Variants in CHD9 observed in about 807,000 individuals in gnomAD.
CHD9 encodes ATP-dependent chromatin remodeler CHD9.
A neutral mutation model predicts 316.1 loss-of-function variants in CHD9; 77 were observed. That is an observed-to-expected ratio of 0.24 (90% confidence interval 0.20 to 0.29). CHD9 has a LOEUF of 0.29. Ranked by LOEUF, CHD9 falls within the 10% of genes least tolerant of loss-of-function variation. CHD9 has a pLI of 1.00. For missense variants in CHD9, 2,763 were observed against 3,438.1 expected, an observed-to-expected ratio of 0.80 and a Z score of 4.91; for synonymous variants, 1,129 against 1,158.3, an observed-to-expected ratio of 0.97 and a Z score of 0.51.
Position 53,097,853 on chromosome 16 carries a change from G to A in CHD9, c.-165+42776G>A, listed in dbSNP as rs368225947. On this transcript the variant is annotated intron_variant, in intron 1 of 38. Transcript: ENST00000447540. ...TTTTGGAACCAGGCTGGGTGCGGTGGCTCACACTGTAATCCCAGCACTTTG... is the reference window on the plus strand; with the variant it reads ...TTTTGGAACCAGGCTGGGTGCGGTGACTCACACTGTAATCCCAGCACTTTG... Among the ~76,000 whole-genome samples the A allele has an allele frequency of 1.5e-3, 226 of 152,338 alleles. 10 individuals carry two copies. The South Asian group carries it at 0.046, about 31-fold the overall frequency.
In CHD9 at chr16:53,273,722, A is replaced by G; in HGVS notation, c.4814A>G (p.Tyr1605Cys). The change falls in exon 23 of 39, where the codon TAT (tyrosine) becomes TGT (cysteine). Residue 1605 changes from tyrosine (Y) to cysteine (C), a missense_variant. Around this residue, in one of 15 missense-constraint regions of CHD9, gnomAD observed 99 missense variants for 131.6 expected, o/e 0.75. Transcript: ENST00000447540. ...CAAAAAGCAGAATGGCTTCGAAAAT[A>G]TAATCCCGAGCAGCTCCTTCAAGAT... ...DIQKAEWLRK[Y>C]NPEQLLQDEG... is the part of the protein sequence containing the mutation. The G allele has an allele frequency of 2.5e-6, 4 of 1,613,640 alleles. No homozygotes were observed. The highest frequency in any genetic ancestry group is 3.4e-6 in the Non-Finnish European group (4 of 1,179,680).
At chr16:53,136,821 C>T (rs73592907) in intron 1 of CHD9, among the ~76,000 whole-genome samples, 4,918 of 152,050 alleles carry the variant, frequency 0.032, 97 homozygotes, top group Middle Eastern at 0.072. Flanking sequence ...TCTAGTTATT[C>T]CCTTTCTGTA....
Position 53,324,963 on chromosome 16 carries a change from C to A in CHD9, c.*68C>A. On this transcript the variant is annotated 3_prime_UTR_variant, in exon 39 of 39. Transcript: ENST00000447540. ...TTTCTTTAATAATTAATTGTAAATA[C>A]CCCAGTGTTGAGTGCATCAATAACT... 1.5e-6 allele frequency: 2 copies of A among 1,325,242 alleles called. No individual in the cohort carries two copies. Among genetic ancestry groups the A allele is most frequent in the Non-Finnish European group, 2.0e-6 (2 of 983,802 alleles). The allele number at this position is 1,325,242 out of a possible 1,614,324, so 82.1% of individuals were successfully genotyped here.
At chr16:53,321,364 T>C (rs1409091594) in intron 37 of CHD9, 162 bp from the exon 38 acceptor site, 7 of 1,396,928 alleles carry the variant, frequency 5.0e-6, no homozygotes, top group African/African-American at 1.4e-5. Flanking sequence ...CAGTAGTCCA[T>C]AGGGTCACGG....
At chr16:53,098,889 T>C (rs2036601018) in intron 1 of CHD9, among the ~76,000 whole-genome samples, 1 of 152,218 alleles carries the variant, frequency 6.6e-6, no homozygotes, top group African/African-American at 2.4e-5. Flanking sequence ...GTCAAGCGTC[T>C]GTGGCTCAGT....
chr16:53,143,446 G>A (rs983038854), intron 1 of CHD9, among the ~76,000 whole-genome samples: 1 of 150,188 alleles, frequency 6.7e-6, no homozygotes, highest in African/African-American at 2.5e-5. Flanking sequence ...GGAGCACAGT[G>A]GTGTGATCCC....
chr16:53,160,831 C>T (rs966765625), intron 2 of CHD9, among the ~76,000 whole-genome samples: 1 of 152,090 alleles, frequency 6.6e-6, no homozygotes, highest in Non-Finnish European at 1.5e-5. Context: ...CGCTTGAACC[C>T]GGGAGGCTGA....
At chr16:53,307,986 T>G in intron 33 of CHD9, 33 bp downstream of exon 33, 1 of 1,543,418 alleles carries the variant, frequency 6.5e-7, no homozygotes, top group South Asian at 1.2e-5. Flanking sequence ...AGGGCCTGAT[T>G]GCGATTGCGG....
chr16:53,099,493 A>T (rs1274532680), intron 1 of CHD9, among the ~76,000 whole-genome samples: 2 of 151,446 alleles, frequency 1.3e-5, no homozygotes, highest in African/African-American at 4.9e-5. Flanking sequence ...GGTTTCAGCT[A>T]CACCGAGGGG....
chr16:53,101,213 G>T lies in CHD9; in HGVS notation c.-165+46136G>T, dbSNP rs142642381. On this transcript the variant is annotated intron_variant, in intron 1 of 38. Transcript: ENST00000447540. ...AGAAAAGCAAGTTTATCATAAGATGGATAAAAACCTGCTGACTGGAATAAA... is the reference window on the plus strand; with the variant it reads ...AGAAAAGCAAGTTTATCATAAGATGTATAAAAACCTGCTGACTGGAATAAA... Among the ~76,000 whole-genome samples the T allele has an allele frequency of 3.6e-3, 547 of 151,494 alleles. 2 individuals are homozygous for T. The highest frequency in any genetic ancestry group is 5.1e-3 in the Non-Finnish European group (345 of 67,928).
chr16:53,170,321 T>C (rs1159197371), intron 2 of CHD9, among the ~76,000 whole-genome samples: 1 of 152,218 alleles, frequency 6.6e-6, no homozygotes, highest in Non-Finnish European at 1.5e-5. Flanking sequence ...AAATGTGTTA[T>C]AAAAATTAAT....
chr16:53,209,099 A>T lies in CHD9; in HGVS notation c.1453-383A>T, dbSNP rs112222646. ...GAGTAATTCTAAATTAAAATTATTTAAAAATTTATTAATGTTCAGAATTTT... is the reference window on the plus strand; with the variant it reads ...GAGTAATTCTAAATTAAAATTATTTTAAAATTTATTAATGTTCAGAATTTT... On this transcript the variant is annotated intron_variant, in intron 2 of 38. Coordinates refer to ENST00000447540, the MANE Select transcript of CHD9 (RefSeq NM_001308319.2). 2.5e-3 allele frequency among the ~76,000 whole-genome samples: 385 copies of T among 152,272 alleles called. 5 individuals carry two copies. The highest frequency in any genetic ancestry group is 8.8e-3 in the African/African-American group (367 of 41,574).
chr16:53,216,143 A>T (rs966514768), intron 3 of CHD9, among the ~76,000 whole-genome samples: 1 of 152,194 alleles, frequency 6.6e-6, no homozygotes, highest in African/African-American at 2.4e-5. Context: ...CTAGCAAACT[A>T]TCAGTTTATT....
At chr16:53,203,203 A>T (rs554528604) in intron 2 of CHD9, among the ~76,000 whole-genome samples, 58 of 152,366 alleles carry the variant, frequency 3.8e-4, no homozygotes, top group African/African-American at 1.4e-3. Flanking sequence ...ACTAAAAACC[A>T]GTACACCAGC....
chr16:53,217,067 G>T (rs986158224), intron 3 of CHD9, among the ~76,000 whole-genome samples: 2 of 151,718 alleles, frequency 1.3e-5, no homozygotes, highest in African/African-American at 4.8e-5. Context: ...TTTTTTTGTT[G>T]GCCAGGATCC....
intron 17 of CHD9, among the ~76,000 whole-genome samples, chr16:53,253,352 C>T (rs971586696): frequency 3.9e-5 from 6 of 151,972 alleles, no homozygotes; most frequent in Non-Finnish European, 8.8e-5. Flanking sequence ...AATGGAAAAC[C>T]AAACATCGTG....
chr16:53,092,924 G>A (rs779224584), intron 1 of CHD9, among the ~76,000 whole-genome samples: 11 of 152,014 alleles, frequency 7.2e-5, no homozygotes, highest in African/African-American at 1.9e-4. Flanking sequence ...GACTACAGGC[G>A]TGCACCACCA....
intron 1 of CHD9, among the ~76,000 whole-genome samples, chr16:53,101,202 A>G (rs1414606224): frequency 6.6e-6 from 1 of 151,904 alleles, no homozygotes; most frequent in African/African-American, 2.4e-5. Context: ...AAGCAAGTTT[A>G]TCATAAGATG....
Position 53,324,840 on chromosome 16 carries a change from G to C in CHD9, c.8639G>C (p.Gly2880Ala). 6.2e-7 allele frequency: 1 copy of C among 1,611,814 alleles called. No individual in the cohort carries two copies. Among genetic ancestry groups the C allele is most frequent in the Non-Finnish European group, 8.5e-7 (1 of 1,179,106 alleles). ...TCAGAGAAAGCTGATGCTTCATCTG[G>C]ATCTGATAGTACATCGTCGTCATCT... is the stretch of plus-strand genomic sequence containing the variant. ...EGSEKADASS[G>A]SDSTSSSSED... Residue 2880 changes from glycine (G) to alanine (A), a missense_variant, in exon 39 of 39, where the codon GGA becomes GCA. Physicochemically the swap from Gly to Ala is moderately conservative, Grantham distance 60 (BLOSUM62 0). Transcript: ENST00000447540.
Sources: gnomAD v4.1 joint callset for allele counts (sites outside exome capture counted in the v4.1 genomes callset) on GRCh38, gnomAD v4.1.1 for gene constraint, gnomAD v4.1.1 regional missense constraint, MANE v1.5 for transcripts, NCBI Gene and HGNC (gene_info 2026-07-23, HGNC 2026-07-21) for gene names.